Variants in FGF18 observed in about 807,000 individuals in gnomAD.
The protein encoded by FGF18 is fibroblast growth factor 18.
FGF18 carries 5 observed loss-of-function variants against 23.0 expected under a neutral mutation model. The ratio of observed to expected loss-of-function variants is 0.22; its 90% CI spans 0.11 to 0.46. FGF18 has a LOEUF of 0.46. Among genes scored for constraint, FGF18 ranks in the 20% least tolerant of loss-of-function variants. FGF18 has a pLI of 0.99. For synonymous variants in FGF18, 117 were observed against 118.9 expected, an observed-to-expected ratio of 0.98 and a Z score of 0.10; for missense variants, 180 against 291.6, an observed-to-expected ratio of 0.62 and a Z score of 2.79.
intron 2 of FGF18, among the ~76,000 whole-genome samples, chr5:171,423,631 G>A (rs1181505983): frequency 3.3e-5 from 5 of 152,038 alleles, no homozygotes; most frequent in Non-Finnish European, 7.4e-5. Context: ...TTCCTTCCAC[G>A]CCCCCTCTCG....
At chr5:171,442,520 G>T (rs1042793302) in intron 3 of FGF18, among the ~76,000 whole-genome samples, 1 of 152,166 alleles carries the variant, frequency 6.6e-6, no homozygotes, top group Non-Finnish European at 1.5e-5. Flanking sequence ...TCCAGCCCTC[G>T]CAGGGCCCCA....
intron 4 of FGF18, among the ~76,000 whole-genome samples, chr5:171,452,943 G>A (rs1451185698): frequency 1.3e-5 from 2 of 152,178 alleles, no homozygotes; most frequent in Admixed American, 6.5e-5. Flanking sequence ...GGCCAGATGA[G>A]GTCATCAGGA....
intron 3 of FGF18, among the ~76,000 whole-genome samples, chr5:171,448,512 G>T (rs1561890427): frequency 6.6e-6 from 1 of 152,180 alleles, no homozygotes; most frequent in Non-Finnish European, 1.5e-5. Context: ...GAAAGGCAGG[G>T]GAGGTGTGCG....
chr5:171,420,996 G>T lies in FGF18; in HGVS notation c.69+553G>T, dbSNP rs533323774. 3.2e-3 allele frequency among the ~76,000 whole-genome samples: 487 copies of T among 152,344 alleles called. 7 individuals carry two copies. The highest frequency in any genetic ancestry group is 0.011 in the African/African-American group (458 of 41,584). On this transcript the variant is annotated intron_variant, in intron 2 of 4. Transcript: ENST00000274625. ...CGCCTAGGCCGAGTGGCCGCTGCCCGCGAGGCCGCTCCCGGATGGGCCGCG... is the reference window on the plus strand; with the variant it reads ...CGCCTAGGCCGAGTGGCCGCTGCCCTCGAGGCCGCTCCCGGATGGGCCGCG...
intron 3 of FGF18, among the ~76,000 whole-genome samples, chr5:171,438,697 A>G (rs1171673772): frequency 1.3e-5 from 2 of 151,948 alleles, no homozygotes; most frequent in African/African-American, 2.4e-5. Context: ...CTCCATTTAA[A>G]TGCCACATTA....
rs1304944581 is a variant in FGF18, at chr5:171,434,929, T to A, written c.70-1164T>A. Among the ~76,000 whole-genome samples, 1 of 149,544 alleles carries A rather than the reference T, an allele frequency of 6.7e-6. No individual in the cohort carries two copies. The highest frequency in any genetic ancestry group is 1.5e-5 in the Non-Finnish European group (1 of 67,632). On this transcript the variant is annotated intron_variant, in intron 2 of 4. Coordinates refer to ENST00000274625, the MANE Select transcript of FGF18 (RefSeq NM_003862.3). This position sits in a 1 kb window ranked among gnomAD's most constrained non-coding sequence, Gnocchi z 4.6. ...GGAGGGAGAGTGTCAGAGCTGGAGGTGGCTTCAGAAAGGGGTCCAGGAAGG... is the reference window on the plus strand; with the variant it reads ...GGAGGGAGAGTGTCAGAGCTGGAGGAGGCTTCAGAAAGGGGTCCAGGAAGG...
rs1234828836 is a variant in FGF18 at position 171,451,081 on chromosome 5, G to A, written c.357+1828G>A. 1.7e-5 allele frequency among the ~76,000 whole-genome samples: 1 copy of A among 59,790 alleles called. No homozygotes were observed. The highest frequency in any genetic ancestry group is 3.3e-5 in the Non-Finnish European group (1 of 30,414). 39.2% of individuals were successfully genotyped at this position (59,790 alleles called of 152,430 possible). A position where few individuals can be genotyped will look rare whatever the true frequency, so the allele number is the denominator to read the frequency against. On this transcript the variant is annotated intron_variant, in intron 4 of 4. Transcript: ENST00000274625. This position sits in a 1 kb window ranked among gnomAD's most constrained non-coding sequence, Gnocchi z 4.5. ...CCCACCCCGCCGCCGGCCGCCTCCC[G>A]CCCGCGGGCGAGCCGCTGAGTCACC...
intron 2 of FGF18, among the ~76,000 whole-genome samples, chr5:171,423,794 T>G (rs1772055422): frequency 6.7e-6 from 1 of 148,522 alleles, no homozygotes; most frequent in South Asian, 2.2e-4. Context: ...TTTTTTTTTT[T>G]TTTGTGCTCT....
At position 171,434,244 on chromosome 5, in the gene FGF18, G is replaced by C. The variant is rs1039796133; in HGVS notation, c.70-1849G>C. Among the ~76,000 whole-genome samples the C allele has an allele frequency of 2.6e-5, 4 of 152,242 alleles. No individual in the cohort carries two copies. Among genetic ancestry groups the C allele is most frequent in the Non-Finnish European group, 5.9e-5 (4 of 68,042 alleles). On this transcript the variant is annotated intron_variant, in intron 2 of 4. Transcript: ENST00000274625. This position sits in a 1 kb window ranked among gnomAD's most constrained non-coding sequence, Gnocchi z 4.6. ...GCTCTGGGGCCTTGTCAGTGGAGCT[G>C]ACAGTTTCCTCATCCATAATGTGGG...
intron 3 of FGF18, among the ~76,000 whole-genome samples, chr5:171,444,492 A>T (rs1772389854): frequency 6.6e-6 from 1 of 152,144 alleles, no homozygotes. Context: ...AGCTCTAAAG[A>T]AATGTCAGTT....
intron 3 of FGF18, among the ~76,000 whole-genome samples, chr5:171,443,832 T>A (rs1772381831): frequency 6.6e-6 from 1 of 152,182 alleles, no homozygotes. Flanking sequence ...TTTCTGCCAC[T>A]CTCCTTGGCC....
At chr5:171,449,542 T>C (rs1337193908) in intron 4 of FGF18, among the ~76,000 whole-genome samples, 1 of 151,872 alleles carries the variant, frequency 6.6e-6, no homozygotes, top group East Asian at 1.9e-4. Flanking sequence ...TCTCTCCTGT[T>C]GGGTGTGGAG....
At chr5:171,445,275 T>C (rs951378102) in intron 3 of FGF18, among the ~76,000 whole-genome samples, 10 of 152,242 alleles carry the variant, frequency 6.6e-5, no homozygotes, top group African/African-American at 2.2e-4. Flanking sequence ...GCGGGTCCCA[T>C]TGAAGAGTTT....
intron 2 of FGF18, among the ~76,000 whole-genome samples, chr5:171,430,757 C>T (rs1292645508): frequency 1.4e-5 from 2 of 138,630 alleles, no homozygotes; most frequent in South Asian, 2.2e-4. Flanking sequence ...CACTGCAGTC[C>T]GTAGTCCGGC....
At chr5:171,448,750 A>G (rs1228311689) in intron 3 of FGF18, among the ~76,000 whole-genome samples, 1 of 151,766 alleles carries the variant, frequency 6.6e-6, no homozygotes, top group African/African-American at 2.4e-5. Context: ...GGTTTTTTGC[A>G]CGGTTCTTTG....
Position 171,456,695 on chromosome 5 carries a change from G to T in FGF18, c.514G>T (p.Val172Leu). The T allele has an allele frequency of 6.2e-7, 1 of 1,613,962 alleles. No homozygotes were observed. Among genetic ancestry groups the T allele is most frequent in the Non-Finnish European group, 8.5e-7 (1 of 1,180,000 alleles). Residue 172 changes from valine (V) to leucine (L), a missense_variant, in exon 5 of 5, where the codon GTG (valine) becomes TTG (leucine). Coordinates refer to ENST00000274625, the MANE Select transcript of FGF18 (RefSeq NM_003862.3). The surrounding 1 kb of genome is among the most constrained non-coding windows in gnomAD (Gnocchi z 6.1). ...GPKTRENQQD[V>L]HFMKRYPKGQ... ...CAAGACCCGGGAGAACCAGCAGGACGTGCATTTCATGAAGCGCTACCCCAA... is the reference window on the plus strand; with the variant it reads ...CAAGACCCGGGAGAACCAGCAGGACTTGCATTTCATGAAGCGCTACCCCAA...
At position 171,440,084 on chromosome 5, in the gene FGF18, G is replaced by A. The variant is rs1772319439; in HGVS notation, c.250+3811G>A. Among the ~76,000 whole-genome samples the A allele has an allele frequency of 6.6e-6, 1 of 152,178 alleles. No individual in the cohort carries two copies. The highest frequency in any genetic ancestry group is 2.4e-5 in the African/African-American group (1 of 41,438). ...CTCCACCACTTTCGAGTGGGAGACC[G>A]TGGATCTGAGTTAGCCTTTCTGATC... On this transcript the variant is annotated intron_variant, in intron 3 of 4. Coordinates refer to ENST00000274625, the MANE Select transcript of FGF18 (RefSeq NM_003862.3). The surrounding 1 kb of genome is among the most constrained non-coding windows in gnomAD (Gnocchi z 4.0).
chr5:171,439,495 G>T (rs187746820), intron 3 of FGF18, among the ~76,000 whole-genome samples: 3 of 152,324 alleles, frequency 2.0e-5, no homozygotes, highest in Admixed American at 2.0e-4. Flanking sequence ...TCTTCTTGCC[G>T]TTGGTGCTGG....
chr5:171,443,500 C>CTTTTTTTTTTTTTTTTTTTTTTTTTTT (rs766926286), intron 3 of FGF18, among the ~76,000 whole-genome samples: 2 of 70,460 alleles, frequency 2.8e-5, no homozygotes, highest in South Asian at 5.8e-4. Flanking sequence ...CTGTTATCAT[C>CTTTTTTTTTTTTTTTTTTTTTTTTTTT]ATTTTTTTTT....
Sources: allele counts gnomAD v4.1 joint callset (sites outside exome capture counted in the v4.1 genomes callset), GRCh38; gene constraint gnomAD v4.1.1; non-coding constraint Gnocchi (gnomAD v3.1); transcripts MANE v1.5; gene names NCBI Gene and HGNC (gene_info 2026-07-23, HGNC 2026-07-21).